The following CHN2 variants were observed in gnomAD, a reference collection of about 807,000 sequenced individuals.
The protein encoded by CHN2 is chimerin 2, also known as beta-chimaerin.
Under a neutral mutation model 56.3 loss-of-function variants are expected in CHN2, and 35 were observed. The observed-to-expected ratio is 0.62, with a 90% CI of 0.47 to 0.82. CHN2 has a LOEUF of 0.82. CHN2 is among the 40% of genes least tolerant of loss of function. CHN2 has a pLI of 0.00. For missense variants in CHN2, 491 were observed against 580.5 expected (o/e 0.85, Z 1.58); for synonymous variants, 210 against 212.8 (o/e 0.99, Z 0.12).
intron 1 of CHN2, among the ~76,000 whole-genome samples, chr7:29,241,495 T>C (rs1001148394): frequency 6.6e-6 from 1 of 151,560 alleles, no homozygotes; most frequent in African/African-American, 2.4e-5. Context: ...AGAGATTCTC[T>C]GGGGACCCTC....
chr7:29,389,444 A>G (rs142026238), intron 3 of CHN2, among the ~76,000 whole-genome samples: 50 of 152,282 alleles, frequency 3.3e-4, no homozygotes, highest in African/African-American at 1.2e-3. Flanking sequence ...AGGGGGCTTG[A>G]TTAAATTACA....
intron 1 of CHN2, among the ~76,000 whole-genome samples, chr7:29,314,081 A>C (rs1794785482): frequency 6.6e-6 from 1 of 152,180 alleles, no homozygotes; most frequent in South Asian, 2.1e-4. Context: ...TAAAGGCAAA[A>C]TTTCCAAGAG....
intron 1 of CHN2, among the ~76,000 whole-genome samples, chr7:29,313,937 T>A (rs1794773718): frequency 6.6e-6 from 1 of 152,220 alleles, no homozygotes; most frequent in East Asian, 1.9e-4. Context: ...AGAGCCATTC[T>A]GCCCAGTGTA....
intron 3 of CHN2, among the ~76,000 whole-genome samples, chr7:29,373,963 A>C (rs1262048833): frequency 6.6e-6 from 1 of 152,222 alleles, no homozygotes; most frequent in African/African-American, 2.4e-5. Context: ...TGAAAACTCT[A>C]CTGATTTAAG....
At chr7:29,248,754 G>A (rs963587138) in intron 1 of CHN2, among the ~76,000 whole-genome samples, 2 of 152,110 alleles carry the variant, frequency 1.3e-5, no homozygotes, top group East Asian at 1.9e-4. Flanking sequence ...CGAAACATAC[G>A]ATTCTCAGGC....
At chr7:29,419,424 A>G in intron 6 of CHN2, among the ~76,000 whole-genome samples, 1 of 152,212 alleles carries the variant, frequency 6.6e-6, no homozygotes, top group Non-Finnish European at 1.5e-5. Context: ...TGGGGCTGGC[A>G]GTGATTTCTT....
chr7:29,348,526 T>C (rs1181781006), intron 1 of CHN2, among the ~76,000 whole-genome samples: 15 of 152,202 alleles, frequency 9.9e-5, no homozygotes, highest in Admixed American at 9.8e-4. Flanking sequence ...AGACACCTGT[T>C]TCCCAGCCTG....
chr7:29,345,436 G>T (rs1275442376), intron 1 of CHN2, among the ~76,000 whole-genome samples: 9 of 152,154 alleles, frequency 5.9e-5, no homozygotes, highest in Non-Finnish European at 1.2e-4. Flanking sequence ...AGATGTCTCT[G>T]AGGAGCCAGA....
intron 2 of CHN2, among the ~76,000 whole-genome samples, chr7:29,361,699 A>G (rs1449410746): frequency 1.3e-5 from 2 of 152,172 alleles, no homozygotes; most frequent in South Asian, 2.1e-4. Flanking sequence ...GAATGCAGCT[A>G]TGGGATTTAG....
chr7:29,376,855 T>G (rs1415582145), intron 3 of CHN2, among the ~76,000 whole-genome samples: 1 of 152,214 alleles, frequency 6.6e-6, no homozygotes, highest in Non-Finnish European at 1.5e-5. Context: ...TACTCTTTTA[T>G]GTTGCAGAGA....
chr7:29,482,264 C>T (rs1247994335), intron 7 of CHN2, among the ~76,000 whole-genome samples: 1 of 152,172 alleles, frequency 6.6e-6, no homozygotes, highest in Non-Finnish European at 1.5e-5. Context: ...TTTAAACAGA[C>T]ATCTTTGAAA....
intron 2 of CHN2, among the ~76,000 whole-genome samples, chr7:29,182,854 T>G (rs1217988744): frequency 6.6e-6 from 1 of 152,186 alleles, no homozygotes; most frequent in African/African-American, 2.4e-5. Flanking sequence ...TAATCCCGTT[T>G]TTGCCCTTTT....
intron 3 of CHN2, among the ~76,000 whole-genome samples, chr7:29,389,638 C>G (rs7798620): frequency 0.88 from 133,644 of 152,204 alleles, 59,024 homozygotes; most frequent in Non-Finnish European, 0.93. Flanking sequence ...AGTTCCAAAA[C>G]AGAAATTCCA....
chr7:29,356,350 G>A (rs1562542861), intron 2 of CHN2, among the ~76,000 whole-genome samples: 3 of 152,004 alleles, frequency 2.0e-5, no homozygotes, highest in East Asian at 1.9e-4. Flanking sequence ...ATGAATGTAC[G>A]TATTTGTTAC....
intron 1 of CHN2, among the ~76,000 whole-genome samples, chr7:29,322,781 A>C (rs772740878): frequency 1.3e-5 from 2 of 152,180 alleles, no homozygotes; most frequent in African/African-American, 2.4e-5. Context: ...ACATGCCTCG[A>C]TTTGGGAAGC....
At chr7:29,161,079 C>T (rs182629040) in intron 2 of CHN2, among the ~76,000 whole-genome samples, 1 of 152,148 alleles carries the variant, frequency 6.6e-6, no homozygotes, top group African/African-American at 2.4e-5. Flanking sequence ...AGCTACCTGA[C>T]TTCTTACCAG....
chr7:29,429,905 A>G (rs80324646), intron 6 of CHN2, among the ~76,000 whole-genome samples: 10,693 of 152,272 alleles, frequency 0.07, 675 homozygotes, highest in African/African-American at 0.17. Context: ...TCGTAGCTAT[A>G]TCTTCGATTT....
Position 29,512,717 on chromosome 7 carries a change from C to G in CHN2, c.1389C>G (p.Asn463Lys). ...TGATTGTGCAGATTTTAATAGAAAACGAAGACGTTTTATTCTAATCCATCA... is the reference window on the plus strand; with the variant it reads ...TGATTGTGCAGATTTTAATAGAAAAGGAAGACGTTTTATTCTAATCCATCA... ...QKLIVQILIE[N>K]EDVLF The change falls in exon 13 of 13, where the codon AAC (asparagine) becomes AAG (lysine). Residue 463 changes from asparagine to lysine, a missense_variant. Coordinates refer to ENST00000222792, the MANE Select transcript of CHN2 (RefSeq NM_004067.4). 6.2e-7 allele frequency: 1 copy of G among 1,613,978 alleles called. No homozygotes were observed. The highest frequency in any genetic ancestry group is 8.5e-7 in the Non-Finnish European group (1 of 1,179,940).
intron 3 of CHN2, among the ~76,000 whole-genome samples, chr7:29,375,687 G>A (rs1800021899): frequency 6.6e-6 from 1 of 152,190 alleles, no homozygotes; most frequent in African/African-American, 2.4e-5. Context: ...TTGATCTCAG[G>A]TGGTGGTGGT....
Sources: allele counts gnomAD v4.1 joint callset (sites outside exome capture counted in the v4.1 genomes callset), GRCh38; gene constraint gnomAD v4.1.1; transcripts MANE v1.5; gene names NCBI Gene and HGNC (gene_info 2026-07-23, HGNC 2026-07-21).